GALNT11: variants seen among roughly 807,000 people sequenced by gnomAD.
The protein encoded by GALNT11 is UDP-GalNAc:polypeptide N-acetylgalactosaminyltransferase 11.
Under a neutral mutation model 72.7 loss-of-function variants are expected in GALNT11, and 47 were observed. That is an observed-to-expected ratio of 0.65 (90% CI 0.51 to 0.82). The LOEUF (loss-of-function observed/expected upper bound fraction) is 0.82, where lower values mean the gene tolerates loss of function less well. Ranked by LOEUF, GALNT11 falls within the 40% of genes least tolerant of loss-of-function variation. GALNT11 has a pLI of 0.00. For synonymous variants in GALNT11, 270 were observed against 286.6 expected, an observed-to-expected ratio of 0.94 and a Z score of 0.58; for missense variants, 677 against 778.4, an observed-to-expected ratio of 0.87 and a Z score of 1.55.
At chr7:152,050,064 G>C (rs993584365) in intron 1 of GALNT11, among the ~76,000 whole-genome samples, 1 of 152,094 alleles carries the variant, frequency 6.6e-6, no homozygotes, top group East Asian at 1.9e-4. Flanking sequence ...GCCAAGGCCT[G>C]AAATCAAGGA....
At chr7:152,092,449 T>G (rs1361784264) in intron 1 of GALNT11, among the ~76,000 whole-genome samples, 1 of 152,232 alleles carries the variant, frequency 6.6e-6, no homozygotes, top group Non-Finnish European at 1.5e-5. Context: ...GATTTTCCTT[T>G]GTACTATTGT....
chr7:152,038,064 C>G (rs2082669682), intron 1 of GALNT11, among the ~76,000 whole-genome samples: 1 of 152,142 alleles, frequency 6.6e-6, no homozygotes, highest in Non-Finnish European at 1.5e-5. Flanking sequence ...GCCACTGTGC[C>G]CAGCCCGTCT....
chr7:152,069,049 A>C (rs770466142), intron 1 of GALNT11, among the ~76,000 whole-genome samples: 7 of 152,144 alleles, frequency 4.6e-5, no homozygotes, highest in Non-Finnish European at 4.4e-5. Context: ...GCAAGCTTAG[A>C]TCTTTCTTCC....
intron 1 of GALNT11, among the ~76,000 whole-genome samples, chr7:152,061,222 C>T (rs1171802227): frequency 6.6e-6 from 1 of 152,088 alleles, no homozygotes; most frequent in Non-Finnish European, 1.5e-5. Context: ...CTCTGATGGC[C>T]AGTGATGATG....
At position 152,065,660 on chromosome 7, in the gene GALNT11, G is replaced by A. The variant is rs147905641; in HGVS notation, c.-38-28530G>A. On this transcript the variant is annotated intron_variant, in intron 1 of 11. Transcript: ENST00000430044. The stretch of plus-strand genomic sequence containing the variant: ...CTGTTTGTTAGTTTTCCTTCTAACA[G>A]TCAGGACCCTCAGCTGCAGGTCTGT... Among the ~76,000 whole-genome samples, 807 of 152,330 alleles carry A rather than the reference G, an allele frequency of 5.3e-3. 8 individuals are homozygous for A. Among genetic ancestry groups the A allele is most frequent in the African/African-American group, 0.019 (776 of 41,568 alleles).
chr7:152,037,166 T>TC (rs2082621143), intron 1 of GALNT11, among the ~76,000 whole-genome samples: 6 of 152,356 alleles, frequency 3.9e-5, no homozygotes, highest in Admixed American at 2.6e-4. Context: ...GGAGATTTTC[T>TC]CCAGTGTTTT....
intron 1 of GALNT11, among the ~76,000 whole-genome samples, chr7:152,082,265 T>G (rs2085365470): frequency 6.6e-6 from 1 of 152,226 alleles, no homozygotes; most frequent in South Asian, 2.1e-4. Flanking sequence ...CATTTTTACT[T>G]TCTGCAGAAA....
In GALNT11 at chr7:152,110,519, T is replaced by C. The variant is rs1171881854; in HGVS notation, c.963-9T>C. 4 of 1,607,664 alleles carry C rather than the reference T, an allele frequency of 2.5e-6. No homozygotes were observed. In the African/African-American group the frequency reaches 5.3e-5, roughly 21 times the overall value. ...TAAGGAATGAGTACAGTAATTTTCCTTTTTCTAGGTCACCAACAATGGCTG... is the reference window on the plus strand; with the variant it reads ...TAAGGAATGAGTACAGTAATTTTCCCTTTTCTAGGTCACCAACAATGGCTG... On this transcript the variant is annotated splice_polypyrimidine_tract_variant and intron_variant, in intron 6 of 11. Coordinates refer to ENST00000430044, the MANE Select transcript of GALNT11 (RefSeq NM_022087.4).
intron 5 of GALNT11, chr7:152,107,567 ACT>A (rs2087717301): frequency 6.4e-6 from 1 of 156,662 alleles, no homozygotes; most frequent in East Asian, 1.8e-4. Context: ...TGTTCTCTGT[ACT>A]CTGTTTACTG....
chr7:152,076,978 A>G (rs939106640), intron 1 of GALNT11, among the ~76,000 whole-genome samples: 1 of 152,210 alleles, frequency 6.6e-6, no homozygotes, highest in East Asian at 1.9e-4. Context: ...TATAATCCCA[A>G]TACTTTGGGT....
chr7:152,046,767 G>C (rs2083147668), intron 1 of GALNT11, among the ~76,000 whole-genome samples: 1 of 152,098 alleles, frequency 6.6e-6, no homozygotes, highest in Non-Finnish European at 1.5e-5. Context: ...TCTTTTGACT[G>C]GGGAGTTAGT....
At chr7:152,031,510 G>A (rs1475425799) in intron 1 of GALNT11, among the ~76,000 whole-genome samples, 1 of 152,198 alleles carries the variant, frequency 6.6e-6, no homozygotes, top group East Asian at 1.9e-4. Flanking sequence ...TTTACATCAT[G>A]AGTAGTCCAG....
At chr7:152,050,924 C>G (rs933361386) in intron 1 of GALNT11, among the ~76,000 whole-genome samples, 5 of 152,254 alleles carry the variant, frequency 3.3e-5, no homozygotes, top group African/African-American at 1.2e-4. Flanking sequence ...GATGTGAAAG[C>G]CCTACAATCC....
chr7:152,054,576 G>A (rs2083564369), intron 1 of GALNT11, among the ~76,000 whole-genome samples: 1 of 149,338 alleles, frequency 6.7e-6, no homozygotes, highest in Non-Finnish European at 1.5e-5. Flanking sequence ...AGTGGCTATG[G>A]TCATGGCTTA....
At chr7:152,088,438 G>T (rs2085792721) in intron 1 of GALNT11, among the ~76,000 whole-genome samples, 1 of 150,606 alleles carries the variant, frequency 6.6e-6, no homozygotes, top group Non-Finnish European at 1.5e-5. Context: ...TTCAAATATT[G>T]GACCAACTTT....
chr7:152,063,657 T>G (rs1287461090), intron 1 of GALNT11, among the ~76,000 whole-genome samples: 2 of 152,254 alleles, frequency 1.3e-5, no homozygotes, highest in African/African-American at 4.8e-5. Flanking sequence ...TTCTGGTATG[T>G]TGTGTCTTTG....
chr7:152,064,217 C>T (rs2084179857), intron 1 of GALNT11, among the ~76,000 whole-genome samples: 1 of 152,156 alleles, frequency 6.6e-6, no homozygotes. Context: ...TATGTGATGG[C>T]CTTGTCTCTT....
chr7:152,090,003 A>C (rs1376617353), intron 1 of GALNT11, among the ~76,000 whole-genome samples: 2 of 152,182 alleles, frequency 1.3e-5, no homozygotes, highest in Admixed American at 6.5e-5. Flanking sequence ...AACTACACCT[A>C]CATTTCTGTG....
chr7:152,054,376 A>G lies in GALNT11; in HGVS notation c.-39+28492A>G, dbSNP rs1291132854. ...AATCTTCAGGATAGTAAAAAGGTCT[A>G]CCTCACTTTTTTTTTTTTTTTGCTC... On this transcript the variant is annotated intron_variant, in intron 1 of 11. Coordinates refer to ENST00000430044, the MANE Select transcript of GALNT11 (RefSeq NM_022087.4). Among the ~76,000 whole-genome samples the G allele has an allele frequency of 2.7e-5, 4 of 147,950 alleles. No homozygotes were observed. In the East Asian group the frequency reaches 5.9e-4, roughly 22 times the overall value.
Sources: allele counts gnomAD v4.1 joint callset (sites outside exome capture counted in the v4.1 genomes callset), GRCh38; gene constraint gnomAD v4.1.1; transcripts MANE v1.5; gene names NCBI Gene and HGNC (gene_info 2026-07-23, HGNC 2026-07-21).